Variants in KATNIP observed in about 807,000 individuals in gnomAD.
KATNIP encodes the protein katanin-interacting protein.
Under a neutral mutation model 174.0 loss-of-function variants are expected in KATNIP, and 126 were observed. That is an observed-to-expected ratio of 0.72 (90% CI 0.63 to 0.84). The LOEUF (loss-of-function observed/expected upper bound fraction) is 0.84, where lower values mean the gene tolerates loss of function less well. Among genes scored for constraint, KATNIP ranks in the 40% least tolerant of loss-of-function variants. The pLI, the probability that KATNIP is intolerant of heterozygous loss-of-function variation, is 0.00. For synonymous variants in KATNIP, 810 were observed against 835.7 expected, an observed-to-expected ratio of 0.97 and a Z score of 0.53; for missense variants, 1,958 against 2,109.7, an observed-to-expected ratio of 0.93 and a Z score of 1.41.
At chr16:27,673,160 A>G (rs1040982959) in intron 6 of KATNIP, among the ~76,000 whole-genome samples, 1 of 152,216 alleles carries the variant, frequency 6.6e-6, no homozygotes, top group African/African-American at 2.4e-5. Context: ...CCAATAGGCT[A>G]TCTTGTTTTA....
At chr16:27,704,729 T>C (rs558710256) in intron 12 of KATNIP, among the ~76,000 whole-genome samples, 30 of 152,034 alleles carry the variant, frequency 2.0e-4, no homozygotes, top group Non-Finnish European at 4.0e-4. Flanking sequence ...GTTAGAGATA[T>C]CAGCCTGACT....
At chr16:27,631,666 G>A (rs2076494971) in intron 5 of KATNIP, among the ~76,000 whole-genome samples, 1 of 152,140 alleles carries the variant, frequency 6.6e-6, no homozygotes, top group Non-Finnish European at 1.5e-5. Flanking sequence ...CCTCCCCTTT[G>A]GATGTGGCCA....
chr16:27,601,839 G>A (rs989637040), intron 2 of KATNIP, among the ~76,000 whole-genome samples: 1 of 152,202 alleles, frequency 6.6e-6, no homozygotes, highest in Non-Finnish European at 1.5e-5. Context: ...GGGTGTGGGG[G>A]AATGATCATC....
intron 6 of KATNIP, chr16:27,654,631 C>A: frequency 7.4e-7 from 1 of 1,352,042 alleles, no homozygotes. Context: ...CCACCAGTAC[C>A]AAGCCCTGTG....
chr16:27,636,881 AG>A (rs1239683568), intron 5 of KATNIP, among the ~76,000 whole-genome samples: 1 of 152,184 alleles, frequency 6.6e-6, no homozygotes, highest in Non-Finnish European at 1.5e-5. Context: ...TGGTCTCAGC[AG>A]GGGCTGCCTG....
chr16:27,689,955 T>G (rs1365433192), intron 8 of KATNIP, among the ~76,000 whole-genome samples: 2 of 152,060 alleles, frequency 1.3e-5, no homozygotes, highest in Non-Finnish European at 2.9e-5. Context: ...CATGCCTGGG[T>G]GCTTTTTAAA....
rs556935963 is a variant in KATNIP at position 27,660,966 on chromosome 16, T to C, written c.540+12231T>C. ...GAGTTGGTCTGCAAATAAATCTTCA[T>C]TGAGCAAGTGGATTGAATGATTGAA... On this transcript the variant is annotated intron_variant, in intron 6 of 27. Coordinates refer to ENST00000261588, the MANE Select transcript of KATNIP (RefSeq NM_015202.5). Among the ~76,000 whole-genome samples, 10 of 152,300 alleles carry C rather than the reference T, an allele frequency of 6.6e-5. No homozygotes were observed. The East Asian group carries it at 1.4e-3, about 21-fold the overall frequency.
intron 2 of KATNIP, among the ~76,000 whole-genome samples, chr16:27,584,256 G>C (rs1325873437): frequency 6.6e-6 from 1 of 151,876 alleles, no homozygotes; most frequent in Non-Finnish European, 1.5e-5. Context: ...CGCTCTCCAA[G>C]GCTAACTCTT....
intron 13 of KATNIP, among the ~76,000 whole-genome samples, chr16:27,713,854 A>C (rs28601683): frequency 0.082 from 5,677 of 69,120 alleles, 362 homozygotes; most frequent in African/African-American, 0.18. Context: ...ATATATATAT[A>C]TATCTATCTC....
Position 27,691,815 on chromosome 16 carries a change from AG to A in KATNIP, c.941-6509del, listed in dbSNP as rs779664038. On this transcript the variant is annotated intron_variant, in intron 8 of 27. Coordinates refer to ENST00000261588, the MANE Select transcript of KATNIP (RefSeq NM_015202.5). ...ATTTCCTCCCAAATGAAAGACGCTCAGGGGCAAAAGGGTCTGTGCAGATAAA... is the reference window on the plus strand; with the variant it reads ...ATTTCCTCCCAAATGAAAGACGCTCAGGGCAAAAGGGTCTGTGCAGATAAA... Among the ~76,000 whole-genome samples the A allele has an allele frequency of 7.2e-5, 11 of 152,248 alleles. No individual in the cohort carries two copies. The East Asian group carries it at 1.9e-3, about 27-fold the overall frequency.
chr16:27,670,194 G>C (rs1200553241), intron 6 of KATNIP, among the ~76,000 whole-genome samples: 1 of 152,166 alleles, frequency 6.6e-6, no homozygotes, highest in Non-Finnish European at 1.5e-5. Context: ...GTTTCCATTT[G>C]AGATGCATTT....
intron 6 of KATNIP, among the ~76,000 whole-genome samples, chr16:27,667,280 A>C (rs2077719894): frequency 6.6e-6 from 1 of 151,580 alleles, no homozygotes; most frequent in Non-Finnish European, 1.5e-5. Flanking sequence ...GTGCCACTGC[A>C]CTCCAGCTTG....
intron 1 of KATNIP, among the ~76,000 whole-genome samples, chr16:27,559,810 G>A (rs1333211607): frequency 5.3e-5 from 8 of 150,866 alleles, no homozygotes; most frequent in East Asian, 4.0e-4. Context: ...GTGAAACCCC[G>A]TCTCTAGTAA....
intron 2 of KATNIP, among the ~76,000 whole-genome samples, chr16:27,602,286 G>T (rs1364659061): frequency 6.6e-6 from 1 of 152,148 alleles, no homozygotes; most frequent in East Asian, 1.9e-4. Context: ...AAGGATGTCA[G>T]GTCTGCCCCA....
intron 2 of KATNIP, among the ~76,000 whole-genome samples, chr16:27,593,675 T>C (rs2075251831): frequency 1.3e-5 from 2 of 152,056 alleles, no homozygotes; most frequent in South Asian, 4.1e-4. Flanking sequence ...GGACCACAGG[T>C]GCACCACCAC....
chr16:27,773,204 A>G lies in KATNIP; in HGVS notation c.4304A>G (p.Glu1435Gly). Reference protein sequence around the residue: ...DERGEKIPLSENNIAAFPDSV... With the variant: ...DERGEKIPLSGNNIAAFPDSV... ...CGAGGAGAAAAAATCCCCTTGTCGG[A>G]AAACAGTATCCTTTGTAGGACAGGA... The change falls in exon 23 of 28, where the codon GAA becomes GGA. Residue 1435 changes from glutamate (E) to glycine (G), a missense_variant. Physicochemically the swap from Glu to Gly is moderately conservative, Grantham distance 98. Transcript: ENST00000261588. 6.2e-7 allele frequency: 1 copy of G among 1,604,324 alleles called. No individual in the cohort carries two copies. Among genetic ancestry groups the G allele is most frequent in the East Asian group, 2.2e-5 (1 of 44,816 alleles).
intron 6 of KATNIP, among the ~76,000 whole-genome samples, chr16:27,661,573 G>A (rs1345109323): frequency 5.3e-5 from 8 of 151,492 alleles, no homozygotes; most frequent in Non-Finnish European, 1.2e-4. Context: ...TGTATTTTTA[G>A]TAGAGACGGG....
intron 2 of KATNIP, among the ~76,000 whole-genome samples, chr16:27,598,243 C>CAAAA (rs10635648): frequency 7.0e-6 from 1 of 142,614 alleles, no homozygotes; most frequent in Non-Finnish European, 1.5e-5. Flanking sequence ...GACTCCATCT[C>CAAAA]AAAAAAAAAA....
At chr16:27,690,363 T>TAGATAGATAGATAGATAGATAATA (rs397837255) in intron 8 of KATNIP, among the ~76,000 whole-genome samples, 3 of 90,986 alleles carry the variant, frequency 3.3e-5, no homozygotes, top group African/African-American at 9.4e-5. Flanking sequence ...GATAGATAGA[T>TAGATAGATAGATAGATAGATAATA]GATAGATAGA....
Sources: gnomAD v4.1 joint callset for allele counts (sites outside exome capture counted in the v4.1 genomes callset) on GRCh38, gnomAD v4.1.1 for gene constraint, MANE v1.5 for transcripts, NCBI Gene and HGNC (gene_info 2026-07-23, HGNC 2026-07-21) for gene names.